SCO1: variants seen among roughly 807,000 people sequenced by gnomAD.
SCO1 encodes synthesis of cytochrome C oxidase 1.
A neutral mutation model predicts 34.0 loss-of-function variants in SCO1; 23 were observed. The ratio of observed to expected loss-of-function variants is 0.68; its 90% CI spans 0.49 to 0.96. The LOEUF is 0.96. Ranked by LOEUF, SCO1 falls within the 40% of genes least tolerant of loss-of-function variation. The probability of loss-of-function intolerance (pLI) is 0.00; values close to 1 mark genes in which losing one functional copy is unlikely to be tolerated. For missense variants in SCO1, 404 were observed against 381.6 expected (o/e 1.06, Z -0.49); for synonymous variants, 161 against 145.5 (o/e 1.11, Z -0.77).
In SCO1 at chr17:10,686,820, G is replaced by C; in HGVS notation, c.678C>G (p.Gly226=). The C allele has an allele frequency of 6.2e-7, 1 of 1,613,622 alleles. No individual in the cohort carries two copies. Among genetic ancestry groups the C allele is most frequent in the South Asian group, 1.1e-5 (1 of 91,072 alleles). ...CGACCTCTTCTCTCGTGCCAGTCAAGCCAACCAGTTTGGGAGAAAATTCTA... is the reference window on the plus strand; with the variant it reads ...CGACCTCTTCTCTCGTGCCAGTCAACCCAACCAGTTTGGGAGAAAATTCTA... ...YVKEFSPKLV[G]LTGTREEVDQ... is the part of the protein sequence containing the mutation. The change falls in exon 5 of 6, where the codon GGC becomes GGG. Residue 226 remains glycine (G), a synonymous_variant. Coordinates refer to ENST00000255390, the MANE Select transcript of SCO1 (RefSeq NM_004589.4).
rs972932374 is a variant in SCO1, at chr17:10,677,910, G to A, written c.*3209C>T. The stretch of plus-strand genomic sequence containing the variant: ...GGCGGCGGATCACCTGAGGTCGGGA[G>A]TTTGAGACCAGTCTGACCAACATAG... On this transcript the variant is annotated 3_prime_UTR_variant, in exon 6 of 6. Coordinates refer to ENST00000255390, the MANE Select transcript of SCO1 (RefSeq NM_004589.4). The A allele has an allele frequency of 1.3e-5, 2 of 152,240 alleles. No homozygotes were observed. The highest frequency in any genetic ancestry group is 4.8e-5 in the African/African-American group (2 of 41,424). The allele number at this position is 152,240 out of a possible 1,614,324, so 9.4% of individuals were successfully genotyped here. A position where few individuals can be genotyped will look rare whatever the true frequency, so the allele number is the denominator to read the frequency against.
chr17:10,681,426 T>C (rs1337367058), intron 5 of SCO1, among the ~76,000 whole-genome samples, 173 bp from the exon 6 acceptor site: 1 of 152,224 alleles, frequency 6.6e-6, no homozygotes, highest in Non-Finnish European at 1.5e-5. Context: ...TAACAAAAAT[T>C]GTCTAAAATC....
Position 10,692,657 on chromosome 17 carries a change from C to T in SCO1, c.562+107G>A. The T allele has an allele frequency of 5.5e-6, 5 of 906,306 alleles. No homozygotes were observed. The South Asian group carries it at 6.9e-5, about 12-fold the overall frequency. The allele number at this position is 906,306 out of a possible 1,614,324, so 56.1% of individuals were successfully genotyped here. On this transcript the variant is annotated intron_variant, in intron 3 of 5. Transcript: ENST00000255390. ...CAAATGCTGAGATTTTATGTTCTTA[C>T]AAATCACATAATTGCAAAACCCCAC...
chr17:10,687,712 T>C (rs2074665366), intron 4 of SCO1, among the ~76,000 whole-genome samples: 1 of 152,248 alleles, frequency 6.6e-6, no homozygotes, highest in African/African-American at 2.4e-5. Context: ...ACTGCATTTT[T>C]TTCTAAATAC....
intron 4 of SCO1, among the ~76,000 whole-genome samples, chr17:10,691,615 AGTTGATAC>A: frequency 6.6e-6 from 1 of 152,346 alleles, no homozygotes; most frequent in Non-Finnish European, 1.5e-5. Context: ...CGATTAACTT[AGTTGATAC>A]ATGAAGGCCA....
At chr17:10,686,079 T>C (rs2074653506) in intron 5 of SCO1, among the ~76,000 whole-genome samples, 1 of 151,806 alleles carries the variant, frequency 6.6e-6, no homozygotes, top group Admixed American at 6.6e-5. Flanking sequence ...CCTTCTCTAC[T>C]AAAAATACAA....
In SCO1 at chr17:10,674,992, T is replaced by C. The variant is rs1181064657; in HGVS notation, c.*6127A>G. The C allele has an allele frequency of 1.3e-5, 2 of 152,408 alleles. No homozygotes were observed. Among genetic ancestry groups the C allele is most frequent in the Middle Eastern group, 3.4e-3 (1 of 296 alleles). 9.4% of individuals were successfully genotyped at this position (152,408 alleles called of 1,614,324 possible). The stretch of plus-strand genomic sequence containing the variant: ...GCTCACCACAGCAGCCAACAAGGAA[T>C]GTGCCCACTCTCCCCTTCAGTTTGC... On this transcript the variant is annotated 3_prime_UTR_variant, in exon 6 of 6. Transcript: ENST00000255390.
chr17:10,685,787 T>C (rs554898671), intron 5 of SCO1, among the ~76,000 whole-genome samples: 2 of 152,220 alleles, frequency 1.3e-5, no homozygotes, highest in Non-Finnish European at 2.9e-5. Context: ...ATAAGTGTTG[T>C]TCCAAATGAT....
At chr17:10,686,530 G>A (rs991073180) in intron 5 of SCO1, among the ~76,000 whole-genome samples, 197 bp downstream of exon 5, 5 of 143,532 alleles carry the variant, frequency 3.5e-5, no homozygotes, top group East Asian at 2.1e-4. Context: ...TGCAGTGAGC[G>A]AAGATTGTGC....
Position 10,692,961 on chromosome 17 carries a change from T to TC in SCO1, c.365-1dup (p.Lys122ArgfsTer29). ...GTGTCGCTGCCGTTCCTTCTCTAACTCTTAAGGAGACAAAAACATATCGAC... is the reference window on the plus strand; with the variant it reads ...GTGTCGCTGCCGTTCCTTCTCTAACTCCTTAAGGAGACAAAAACATATCGAC... On this transcript the variant is annotated frameshift_variant and splice_region_variant. Coordinates refer to ENST00000255390, the MANE Select transcript of SCO1 (RefSeq NM_004589.4). LOFTEE classifies it high-confidence loss of function. The TC allele has an allele frequency of 6.2e-7, 1 of 1,613,882 alleles. No homozygotes were observed. Among genetic ancestry groups the TC allele is most frequent in the East Asian group, 2.2e-5 (1 of 44,874 alleles).
chr17:10,694,725 G>C (rs1391101368), intron 2 of SCO1, among the ~76,000 whole-genome samples: 3 of 151,652 alleles, frequency 2.0e-5, no homozygotes, highest in Non-Finnish European at 4.4e-5. Flanking sequence ...GTCAAAAAAA[G>C]CTTCCATATT....
In SCO1 at chr17:10,680,756, C is replaced by T. The variant is rs1408930619; in HGVS notation, c.*363G>A. ...AGTCCCACAGCTATTTGAGCAAGGGCCCAAGACGATGGAGAGGCGGCAAAG... is the reference window on the plus strand; with the variant it reads ...AGTCCCACAGCTATTTGAGCAAGGGTCCAAGACGATGGAGAGGCGGCAAAG... On this transcript the variant is annotated 3_prime_UTR_variant, in exon 6 of 6. Transcript: ENST00000255390. 2.8e-6 allele frequency: 1 copy of T among 351,556 alleles called. No individual in the cohort carries two copies. The highest frequency in any genetic ancestry group is 6.8e-5 in the East Asian group (1 of 14,616). 21.8% of individuals were successfully genotyped at this position (351,556 alleles called of 1,614,324 possible). A position where few individuals can be genotyped will look rare whatever the true frequency, so the allele number is the denominator to read the frequency against.
chr17:10,682,717 T>A (rs561516467), intron 5 of SCO1, among the ~76,000 whole-genome samples: 1 of 152,352 alleles, frequency 6.6e-6, no homozygotes, highest in African/African-American at 2.4e-5. Flanking sequence ...TGACATTTAT[T>A]CTAATACAGA....
At chr17:10,683,042 G>T (rs1489669972) in intron 5 of SCO1, among the ~76,000 whole-genome samples, 3 of 152,094 alleles carry the variant, frequency 2.0e-5, no homozygotes, top group African/African-American at 7.2e-5. Flanking sequence ...ATTATTTTTT[G>T]AAAAGGTAAT....
intron 5 of SCO1, among the ~76,000 whole-genome samples, chr17:10,681,647 T>C (rs2520194): frequency 0.038 from 5,745 of 152,234 alleles, 369 homozygotes; most frequent in African/African-American, 0.13. Context: ...GAGTAAGATA[T>C]CTCCTCAGAC....
In SCO1 at chr17:10,680,782, C is replaced by A; in HGVS notation, c.*337G>T. On this transcript the variant is annotated 3_prime_UTR_variant, in exon 6 of 6. Coordinates refer to ENST00000255390, the MANE Select transcript of SCO1 (RefSeq NM_004589.4). ...CCAAGACGATGGAGAGGCGGCAAAG[C>A]TGCTGGGAGGGCCTGTTCGCAGGCA... 1 of 383,372 alleles carries A rather than the reference C, an allele frequency of 2.6e-6. No individual in the cohort carries two copies. Among genetic ancestry groups the A allele is most frequent in the Non-Finnish European group, 4.9e-6 (1 of 204,666 alleles). The allele number at this position is 383,372 out of a possible 1,614,324, so 23.7% of individuals were successfully genotyped here. A position where few individuals can be genotyped will look rare whatever the true frequency, so the allele number is the denominator to read the frequency against.
At position 10,697,407 on chromosome 17, in the gene SCO1, TCG is replaced by T; in HGVS notation, c.99_100del (p.Glu34GlyfsTer116). The T allele has an allele frequency of 6.2e-7, 1 of 1,608,298 alleles. No homozygotes were observed. On this transcript the variant is annotated frameshift_variant, in exon 1 of 6. Coordinates refer to ENST00000255390, the MANE Select transcript of SCO1 (RefSeq NM_004589.4). LOFTEE classifies it high-confidence loss of function. ...CCTCAGCAAGACTCTCGCAGTCCCC[TCG>T]GCTGGGCCCCAAAACTCGAGTCCGC...
At chr17:10,682,262 C>A (rs914066385) in intron 5 of SCO1, among the ~76,000 whole-genome samples, 1 of 152,216 alleles carries the variant, frequency 6.6e-6, no homozygotes, top group African/African-American at 2.4e-5. Flanking sequence ...CATACCCCAG[C>A]ACGCACTATA....
rs1260660589 is a variant in SCO1 at position 10,673,751 on chromosome 17, A to G, written c.*7368T>C. ...GCACTGAGCCCCGATAAGGCCCCAC[A>G]GGGTAACCAAGCAGCATCTCTCCCT... On this transcript the variant is annotated 3_prime_UTR_variant, in exon 6 of 6. Transcript: ENST00000255390. 4 of 152,240 alleles carry G rather than the reference A, an allele frequency of 2.6e-5. No homozygotes were observed. In the East Asian group the frequency reaches 7.7e-4, roughly 29 times the overall value. The allele number at this position is 152,240 out of a possible 1,614,324, so 9.4% of individuals were successfully genotyped here.
Sources: gnomAD v4.1 joint callset for allele counts (sites outside exome capture counted in the v4.1 genomes callset) on GRCh38, gnomAD v4.1.1 for gene constraint, MANE v1.5 for transcripts, NCBI Gene and HGNC (gene_info 2026-07-23, HGNC 2026-07-21) for gene names.